Variants in PDE10A observed in about 807,000 individuals in gnomAD.
PDE10A encodes the protein phosphodiesterase 10A.
A neutral mutation model predicts 97.7 loss-of-function variants in PDE10A; 39 were observed. That is an observed-to-expected ratio of 0.40 (90% confidence interval 0.31 to 0.52). PDE10A has a LOEUF of 0.52. Ranked by LOEUF, PDE10A falls within the 20% of genes least tolerant of loss-of-function variation. The pLI, the probability that PDE10A is intolerant of heterozygous loss-of-function variation, is 0.56. For missense variants in PDE10A, 731 were observed against 1,047.8 expected, an observed-to-expected ratio of 0.70 and a Z score of 4.17; for synonymous variants, 371 against 376.8, an observed-to-expected ratio of 0.98 and a Z score of 0.18.
intron 1 of PDE10A, among the ~76,000 whole-genome samples, chr6:165,941,841 A>G (rs1226445303): frequency 6.6e-6 from 1 of 152,186 alleles, no homozygotes; most frequent in Non-Finnish European, 1.5e-5. Flanking sequence ...ACAATGGAAG[A>G]GTGGCCTAAT....
chr6:165,730,922 T>G (rs1792418291), intron 1 of PDE10A, among the ~76,000 whole-genome samples: 1 of 151,856 alleles, frequency 6.6e-6, no homozygotes. Flanking sequence ...GGCGGGCCCC[T>G]GTAATCCCAG....
At chr6:165,615,643 T>C (rs568448155) in intron 1 of PDE10A, among the ~76,000 whole-genome samples, 4 of 152,356 alleles carry the variant, frequency 2.6e-5, no homozygotes, top group Non-Finnish European at 4.4e-5. Context: ...TCAAAAGTCC[T>C]TTCTATAAAG....
intron 1 of PDE10A, among the ~76,000 whole-genome samples, chr6:165,853,414 A>G (rs759189171): frequency 3.9e-5 from 6 of 152,198 alleles, no homozygotes; most frequent in Non-Finnish European, 8.8e-5. Flanking sequence ...TCAAAAATTT[A>G]TATTTTCTAT....
chr6:165,619,154 G>GTAGTGTAGTGTAGTC lies in PDE10A; in HGVS notation c.865+42792_865+42793insGACTACACTACACTA, dbSNP rs1562633972. ...CTAGTGTAGTGTAGTCTAGTGTCGT[G>GTAGTGTAGTGTAGTC]TAGTGTAGTGTAGTGTAGTCTAGTG... On this transcript the variant is annotated intron_variant, in intron 1 of 21. Transcript: ENST00000539869. 2.0e-4 allele frequency among the ~76,000 whole-genome samples: 24 copies of GTAGTGTAGTGTAGTC among 123,028 alleles called. 4 individuals are homozygous for GTAGTGTAGTGTAGTC. Among genetic ancestry groups the GTAGTGTAGTGTAGTC allele is most frequent in the African/African-American group, 3.8e-4 (9 of 23,418 alleles). 80.7% of individuals were successfully genotyped at this position (123,028 alleles called of 152,430 possible).
At chr6:165,483,978 A>T (rs868221105) in intron 2 of PDE10A, among the ~76,000 whole-genome samples, 15 of 152,368 alleles carry the variant, frequency 9.8e-5, no homozygotes, top group Middle Eastern at 3.4e-3. Context: ...TTTGAAAGAA[A>T]AAAATTTACC....
chr6:165,469,599 C>T (rs1385443779), intron 3 of PDE10A, among the ~76,000 whole-genome samples: 4 of 152,118 alleles, frequency 2.6e-5, no homozygotes, highest in Non-Finnish European at 4.4e-5. Context: ...TTGCAGTCTT[C>T]CTGTGGGGTT....
rs1191697439 is a variant in PDE10A at position 165,819,035 on chromosome 6, T to C, written c.-615+168494A>G. 2.6e-5 allele frequency among the ~76,000 whole-genome samples: 4 copies of C among 152,216 alleles called. No homozygotes were observed. The highest frequency in any genetic ancestry group is 5.9e-5 in the Non-Finnish European group (4 of 68,038). On this transcript the variant is annotated intron_variant, in intron 1 of 19. Transcript: ENST00000366882. This position sits in a 1 kb window ranked among gnomAD's most constrained non-coding sequence, Gnocchi z 4.2. The stretch of plus-strand genomic sequence containing the variant: ...TGAAGTGTGGCTAAAAATATGTACC[T>C]TTCATTCTGTACATTTATGAAGCCT...
At chr6:165,531,945 T>C (rs944943876) in intron 2 of PDE10A, among the ~76,000 whole-genome samples, 4 of 152,232 alleles carry the variant, frequency 2.6e-5, no homozygotes, top group South Asian at 2.1e-4. Context: ...TTATAATCTG[T>C]AGCAAAACTA....
At chr6:165,469,478 C>A (rs1243831620) in intron 3 of PDE10A, among the ~76,000 whole-genome samples, 1 of 152,196 alleles carries the variant, frequency 6.6e-6, no homozygotes, top group Non-Finnish European at 1.5e-5. Context: ...CTTAAAACAA[C>A]CAATCCGTAA....
At chr6:165,510,464 T>G (rs1049584465) in intron 2 of PDE10A, among the ~76,000 whole-genome samples, 1 of 152,086 alleles carries the variant, frequency 6.6e-6, no homozygotes, top group African/African-American at 2.4e-5. Context: ...TCTATGTTTA[T>G]CAGAGATAGA....
chr6:165,695,274 G>A (rs1791416341), intron 1 of PDE10A, among the ~76,000 whole-genome samples: 1 of 152,008 alleles, frequency 6.6e-6, no homozygotes, highest in Non-Finnish European at 1.5e-5. Context: ...TCTGGAAATG[G>A]TAGAAGGAGC....
intron 1 of PDE10A, among the ~76,000 whole-genome samples, chr6:165,677,190 G>T (rs1790823295): frequency 6.6e-6 from 1 of 152,202 alleles, no homozygotes; most frequent in Non-Finnish European, 1.5e-5. Context: ...CCACGGTGTG[G>T]CTGGGCCTCA....
chr6:165,772,752 G>A (rs1318229300), intron 1 of PDE10A, among the ~76,000 whole-genome samples: 1 of 152,156 alleles, frequency 6.6e-6, no homozygotes, highest in Non-Finnish European at 1.5e-5. Flanking sequence ...ATTTGGGGGC[G>A]GGGTGGGGGA....
intron 1 of PDE10A, among the ~76,000 whole-genome samples, chr6:165,649,796 T>C (rs886157436): frequency 6.6e-6 from 1 of 152,234 alleles, no homozygotes; most frequent in African/African-American, 2.4e-5. Flanking sequence ...CTAAAGCTCA[T>C]GTTTCTACAA....
intron 1 of PDE10A, among the ~76,000 whole-genome samples, chr6:165,762,730 T>C (rs1367518556): frequency 6.6e-6 from 1 of 152,186 alleles, no homozygotes; most frequent in Non-Finnish European, 1.5e-5. Flanking sequence ...TGGTAAAATC[T>C]TTATTGCTAA....
At chr6:165,654,475 C>A (rs1789838391) in intron 1 of PDE10A, among the ~76,000 whole-genome samples, 1 of 150,430 alleles carries the variant, frequency 6.6e-6, no homozygotes, top group Non-Finnish European at 1.5e-5. Flanking sequence ...ATCTCCACAG[C>A]AGCCCCCATA....
At chr6:165,981,281 A>G (rs971413243) in intron 1 of PDE10A, among the ~76,000 whole-genome samples, 2 of 152,184 alleles carry the variant, frequency 1.3e-5, no homozygotes, top group Non-Finnish European at 2.9e-5. Flanking sequence ...TCCAGTTTTT[A>G]GGTAACTTCC....
chr6:165,563,457 TC>T (rs1189004915), intron 1 of PDE10A, among the ~76,000 whole-genome samples: 2 of 152,180 alleles, frequency 1.3e-5, no homozygotes, highest in Non-Finnish European at 2.9e-5. Context: ...GTACTGCCCC[TC>T]ACAGCTGAAT....
At position 165,767,427 on chromosome 6, in the gene PDE10A, G is replaced by C. The variant is rs1777883941; in HGVS notation, c.-615+220102C>G. 2.0e-5 allele frequency among the ~76,000 whole-genome samples: 3 copies of C among 152,248 alleles called. No homozygotes were observed. The South Asian group carries it at 6.2e-4, about 32-fold the overall frequency. ...CCGCAAGGGGAACTCCACATCCGTT[G>C]GCAGCCACTCTCCATTCCTCCTGCA... On this transcript the variant is annotated intron_variant, in intron 1 of 19. Coordinates refer to the PDE10A transcript ENST00000366882.
Sources: allele counts gnomAD v4.1 joint callset (sites outside exome capture counted in the v4.1 genomes callset), GRCh38; gene constraint gnomAD v4.1.1; non-coding constraint Gnocchi (gnomAD v3.1); transcripts MANE v1.5; gene names NCBI Gene and HGNC (gene_info 2026-07-23, HGNC 2026-07-21).